KLHL32: variants seen among roughly 807,000 people sequenced by gnomAD.
KLHL32 encodes kelch-like protein 32.
Under a neutral mutation model 64.8 loss-of-function variants are expected in KLHL32, and 35 were observed. That is an observed-to-expected ratio of 0.54 (90% CI 0.41 to 0.72). The LOEUF is 0.72. KLHL32 is among the 30% of genes least tolerant of loss of function. KLHL32 has a pLI of 0.00. For missense variants in KLHL32, 589 were observed against 768.5 expected (o/e 0.77, Z 2.76); for synonymous variants, 259 against 281.0 (o/e 0.92, Z 0.78).
intron 4 of KLHL32, among the ~76,000 whole-genome samples, chr6:97,044,452 T>G (rs532186315): frequency 1.3e-5 from 2 of 152,148 alleles, no homozygotes; most frequent in Non-Finnish European, 2.9e-5. Flanking sequence ...TCATGGATAT[T>G]GGCCTGGAAT....
At chr6:96,948,852 C>T (rs1772229388) in intron 1 of KLHL32, among the ~76,000 whole-genome samples, 1 of 152,136 alleles carries the variant, frequency 6.6e-6, no homozygotes, top group Non-Finnish European at 1.5e-5. Context: ...GCCAAGAAAA[C>T]ATACTCCACT....
At chr6:97,138,205 T>C (rs1800258809) in intron 10 of KLHL32, among the ~76,000 whole-genome samples, 1 of 152,002 alleles carries the variant, frequency 6.6e-6, no homozygotes, top group Non-Finnish European at 1.5e-5. Context: ...CAGGTTCAGT[T>C]AGGAGACAGC....
rs142271617 is a variant in KLHL32 at position 97,056,040 on chromosome 6, C to T, written c.313-8588C>T. On this transcript the variant is annotated intron_variant, in intron 4 of 10. Transcript: ENST00000369261. ...ATTGCCAAATCTAATTAAATACTGTCATATGTGACCTCACAGCTTCGTGCA... is the reference window on the plus strand; with the variant it reads ...ATTGCCAAATCTAATTAAATACTGTTATATGTGACCTCACAGCTTCGTGCA... Among the ~76,000 whole-genome samples the T allele has an allele frequency of 1.1e-4, 16 of 150,916 alleles. 1 individual carries two copies. The highest frequency in any genetic ancestry group is 3.6e-4 in the African/African-American group (15 of 41,158).
intron 3 of KLHL32, among the ~76,000 whole-genome samples, chr6:97,007,732 G>A (rs1358365780): frequency 6.6e-6 from 1 of 152,142 alleles, no homozygotes; most frequent in Admixed American, 6.5e-5. Context: ...GGCCTCATTT[G>A]TGGAAGATTT....
intron 3 of KLHL32, among the ~76,000 whole-genome samples, chr6:96,987,483 C>G (rs1777254670): frequency 6.6e-6 from 1 of 152,176 alleles, no homozygotes; most frequent in Non-Finnish European, 1.5e-5. Context: ...ACATTCCATG[C>G]TTATGGGTAG....
At chr6:97,043,942 G>C (rs2128129924) in intron 4 of KLHL32, among the ~76,000 whole-genome samples, 1 of 151,388 alleles carries the variant, frequency 6.6e-6, no homozygotes, top group African/African-American at 2.4e-5. Context: ...TGTTCTTTTT[G>C]CACAAGATTG....
At chr6:96,965,897 G>A (rs954425312) in intron 1 of KLHL32, among the ~76,000 whole-genome samples, 7 of 152,098 alleles carry the variant, frequency 4.6e-5, no homozygotes, top group Non-Finnish European at 7.4e-5. Flanking sequence ...TAAAAATATA[G>A]TTGTGTGAAA....
intron 4 of KLHL32, chr6:97,062,627 A>C (rs1235947182): frequency 1.3e-5 from 2 of 152,262 alleles, no homozygotes; most frequent in East Asian, 3.8e-4. Flanking sequence ...AAACATGTGT[A>C]GAGATCAATT....
chr6:97,076,238 A>G (rs148424263), intron 5 of KLHL32, among the ~76,000 whole-genome samples: 1 of 152,362 alleles, frequency 6.6e-6, no homozygotes, highest in Non-Finnish European at 1.5e-5. Context: ...ACTCATAGAA[A>G]AACAATGTCC....
intron 6 of KLHL32, among the ~76,000 whole-genome samples, chr6:97,098,730 A>G (rs1795316642): frequency 6.6e-6 from 1 of 152,192 alleles, no homozygotes; most frequent in Non-Finnish European, 1.5e-5. Context: ...TTGTGTATAT[A>G]TGGTCTCACA....
At chr6:97,081,884 GGTT>G (rs1365062048) in intron 5 of KLHL32, among the ~76,000 whole-genome samples, 1 of 152,196 alleles carries the variant, frequency 6.6e-6, no homozygotes, top group Admixed American at 6.5e-5. Flanking sequence ...TGAATGTGTA[GGTT>G]GTTGTCATGG....
intron 4 of KLHL32, among the ~76,000 whole-genome samples, chr6:97,048,855 A>G (rs1766529): frequency 0.17 from 26,058 of 152,216 alleles, 2,595 homozygotes; most frequent in African/African-American, 0.29. Flanking sequence ...ATAGTAGCAC[A>G]TGGAGCAAAC....
chr6:97,079,712 G>A (rs1032520710), intron 5 of KLHL32, among the ~76,000 whole-genome samples: 3 of 152,032 alleles, frequency 2.0e-5, no homozygotes, highest in Non-Finnish European at 2.9e-5. Flanking sequence ...GAAACAAATA[G>A]AAGGAATAAG....
In KLHL32 at chr6:97,113,675, T is replaced by G. The variant is rs1000610853; in HGVS notation, c.628-108T>G. On this transcript the variant is annotated intron_variant, in intron 6 of 10. Coordinates refer to ENST00000369261, the MANE Select transcript of KLHL32 (RefSeq NM_052904.4). ...CAGTTATACTGTTTGTAAGAAAGTT[T>G]GTATTATTACCTGCCTGGAAGAATA... The G allele has an allele frequency of 8.8e-6, 12 of 1,363,684 alleles. No homozygotes were observed. In the African/African-American group the frequency reaches 1.7e-4, roughly 20 times the overall value. The allele number at this position is 1,363,684 out of a possible 1,614,324, so 84.5% of individuals were successfully genotyped here. A position where few individuals can be genotyped will look rare whatever the true frequency, so the allele number is the denominator to read the frequency against.
At chr6:96,941,062 T>C (rs1481882714) in intron 1 of KLHL32, among the ~76,000 whole-genome samples, 1 of 152,256 alleles carries the variant, frequency 6.6e-6, no homozygotes, top group Non-Finnish European at 1.5e-5. Context: ...GTGGCACTGA[T>C]AGCTCATTAG....
chr6:96,927,920 C>G (rs767762077), intron 1 of KLHL32, among the ~76,000 whole-genome samples: 6 of 152,216 alleles, frequency 3.9e-5, no homozygotes, highest in Non-Finnish European at 5.9e-5. Context: ...ATCGGCTTCA[C>G]AATGACTCTA....
chr6:96,907,366 A>G, the KLHL32 span, among the ~76,000 whole-genome samples: 1 of 152,222 alleles, frequency 6.6e-6, no homozygotes, highest in African/African-American at 2.4e-5. Flanking sequence ...TATTATTCTA[A>G]GTACATCTTA....
chr6:96,970,568 C>G (rs1292808842), intron 2 of KLHL32, among the ~76,000 whole-genome samples: 2 of 152,192 alleles, frequency 1.3e-5, no homozygotes, highest in Non-Finnish European at 2.9e-5. Flanking sequence ...ACTGAATGTT[C>G]CATGAGGGCT....
chr6:97,139,560 T>G lies in KLHL32; in HGVS notation c.*278T>G, dbSNP rs1311779080. Reference sequence around the variant, plus strand: ...CCATGGGTCTTTAGAGCATTCTTTGTACACTTTTTCTAATCAGCACTGTCT... The same window carrying G: ...CCATGGGTCTTTAGAGCATTCTTTGGACACTTTTTCTAATCAGCACTGTCT... On this transcript the variant is annotated 3_prime_UTR_variant, in exon 11 of 11. Transcript: ENST00000369261. 1 of 304,010 alleles carries G rather than the reference T, an allele frequency of 3.3e-6. No homozygotes were observed. The highest frequency in any genetic ancestry group is 2.2e-5 in the African/African-American group (1 of 45,860). 18.8% of individuals were successfully genotyped at this position (304,010 alleles called of 1,614,324 possible).
Sources: gnomAD v4.1 joint callset for allele counts (sites outside exome capture counted in the v4.1 genomes callset) on GRCh38, gnomAD v4.1.1 for gene constraint, MANE v1.5 for transcripts, NCBI Gene and HGNC (gene_info 2026-07-23, HGNC 2026-07-21) for gene names.